Variants in DPP6 observed in about 807,000 individuals in gnomAD.
DPP6 encodes the protein A-type potassium channel modulatory protein DPP6.
Under a neutral mutation model 122.6 loss-of-function variants are expected in DPP6, and 69 were observed. The observed-to-expected ratio is 0.56, with a 90% CI of 0.46 to 0.69. The LOEUF is 0.69. DPP6 is among the 30% of genes least tolerant of loss of function. The pLI is 0.00. For synonymous variants in DPP6, 418 were observed against 433.1 expected (o/e 0.97, Z 0.43); for missense variants, 928 against 1,116.9 (o/e 0.83, Z 2.41).
chr7:153,971,697 T>G (rs1585112246), intron 1 of DPP6, among the ~76,000 whole-genome samples: 1 of 142,854 alleles, frequency 7.0e-6, no homozygotes, highest in South Asian at 2.5e-4. Flanking sequence ...TTAGTGTTTG[T>G]TCATTTCACA....
intron 1 of DPP6, among the ~76,000 whole-genome samples, chr7:153,957,109 A>T (rs1189461963): frequency 1.3e-5 from 2 of 152,234 alleles, no homozygotes; most frequent in East Asian, 3.8e-4. Flanking sequence ...GCCACTGGTG[A>T]TGTTCTATCA....
At chr7:154,067,516 G>C (rs1802816177) in intron 1 of DPP6, among the ~76,000 whole-genome samples, 1 of 152,130 alleles carries the variant, frequency 6.6e-6, no homozygotes, top group Non-Finnish European at 1.5e-5. Flanking sequence ...TGTGGGCCTG[G>C]AGACTCGTGC....
chr7:153,959,928 AT>A (rs11325507), intron 1 of DPP6, among the ~76,000 whole-genome samples: 97,837 of 151,546 alleles, frequency 0.65, 33,260 homozygotes, highest in East Asian at 0.92. Flanking sequence ...ATCATTTCTA[AT>A]TTTTTTTTTT....
intron 6 of DPP6, among the ~76,000 whole-genome samples, chr7:154,658,066 T>G (rs1353291928): frequency 6.6e-6 from 1 of 152,110 alleles, no homozygotes; most frequent in Non-Finnish European, 1.5e-5. Flanking sequence ...ACACAGAGGT[T>G]TGGAGACCCA....
intron 8 of DPP6, among the ~76,000 whole-genome samples, chr7:154,763,764 C>T (rs749401411): frequency 2.0e-5 from 3 of 152,214 alleles, no homozygotes; most frequent in Middle Eastern, 3.2e-3. Context: ...TTCAGCCTCA[C>T]GTCTGTGCTC....
chr7:154,622,961 A>C (rs951361052), intron 5 of DPP6, among the ~76,000 whole-genome samples: 1 of 152,252 alleles, frequency 6.6e-6, no homozygotes, highest in Non-Finnish European at 1.5e-5. Context: ...GCAGAATGCC[A>C]GGTTTCTGAT....
intron 7 of DPP6, among the ~76,000 whole-genome samples, chr7:154,720,261 C>T (rs1841729430): frequency 6.6e-6 from 1 of 152,158 alleles, no homozygotes; most frequent in Non-Finnish European, 1.5e-5. Flanking sequence ...GCAGGCAGAG[C>T]TTCCAGGCAG....
At chr7:154,816,925 G>A (rs1799459054) in intron 16 of DPP6, among the ~76,000 whole-genome samples, 1 of 152,174 alleles carries the variant, frequency 6.6e-6, no homozygotes, top group Non-Finnish European at 1.5e-5. Context: ...CAGAGTGCAT[G>A]TGTCCACCGT....
the DPP6 span, among the ~76,000 whole-genome samples, chr7:153,814,082 C>G: frequency 6.6e-6 from 1 of 152,090 alleles, no homozygotes; most frequent in African/African-American, 2.4e-5. Context: ...GTGTTTTAGA[C>G]ATGAAGTCCT....
intron 1 of DPP6, among the ~76,000 whole-genome samples, chr7:154,443,472 CAT>C (rs1391619640): frequency 1.3e-5 from 2 of 149,192 alleles, no homozygotes; most frequent in African/African-American, 5.1e-5. Flanking sequence ...CCTAGATAAA[CAT>C]GTGTTGGATG....
intron 4 of DPP6, among the ~76,000 whole-genome samples, chr7:154,558,981 G>A (rs142189012): frequency 0.014 from 2,175 of 152,180 alleles, 56 homozygotes; most frequent in African/African-American, 0.05. Context: ...AATATCTGGT[G>A]TTAATTTAAA....
chr7:154,403,224 C>T lies in DPP6; in HGVS notation c.244-42990C>T, dbSNP rs1815790655. On this transcript the variant is annotated intron_variant, in intron 1 of 25. Transcript: ENST00000377770. This position sits in a 1 kb window ranked among gnomAD's most constrained non-coding sequence, Gnocchi z 4.1. Reference sequence around the variant, plus strand: ...ACCGTGAGGCCCCAGCATTTGGGTCCATCACTGGCGATGTGCTGCTGGCCT... The same window carrying T: ...ACCGTGAGGCCCCAGCATTTGGGTCTATCACTGGCGATGTGCTGCTGGCCT... Among the ~76,000 whole-genome samples, 1 of 152,222 alleles carries T rather than the reference C, an allele frequency of 6.6e-6. No individual in the cohort carries two copies. The highest frequency in any genetic ancestry group is 2.4e-5 in the African/African-American group (1 of 41,472).
At chr7:153,762,694 C>T in the DPP6 span, among the ~76,000 whole-genome samples, 3 of 152,012 alleles carry the variant, frequency 2.0e-5, no homozygotes, top group African/African-American at 7.3e-5. Context: ...GCAAGGGAAT[C>T]GCTTGACCCC....
intron 6 of DPP6, among the ~76,000 whole-genome samples, chr7:154,644,277 G>A (rs1836304343): frequency 6.6e-6 from 1 of 152,194 alleles, no homozygotes. Flanking sequence ...TGGGTCGGGA[G>A]CTCAGCCAAT....
At chr7:153,864,009 T>C in the DPP6 span, among the ~76,000 whole-genome samples, 2 of 152,220 alleles carry the variant, frequency 1.3e-5, no homozygotes, top group African/African-American at 4.8e-5. Flanking sequence ...CTTACCCTTT[T>C]TGACTATTGT....
chr7:153,773,705 A>G, the DPP6 span, among the ~76,000 whole-genome samples: 741 of 151,842 alleles, frequency 4.9e-3, 1 homozygote, highest in Non-Finnish European at 8.5e-3. Context: ...GAACAAAGCC[A>G]TGCTTAGAAG....
intron 3 of DPP6, among the ~76,000 whole-genome samples, chr7:154,505,801 T>C (rs1011998901): frequency 2.0e-5 from 3 of 152,146 alleles, no homozygotes; most frequent in African/African-American, 7.2e-5. Flanking sequence ...TACTTGTCAT[T>C]TTCTCTACTG....
intron 1 of DPP6, among the ~76,000 whole-genome samples, chr7:154,297,063 G>GTTTTTTTTTTTTTTTT (rs34506058): frequency 4.0e-5 from 5 of 125,266 alleles, no homozygotes; most frequent in Non-Finnish European, 4.8e-5. Flanking sequence ...AATGTATTCT[G>GTTTTTTTTTTTTTTTT]TTTTTTTTTT....
chr7:154,285,903 A>G (rs1804818594), intron 1 of DPP6, among the ~76,000 whole-genome samples: 1 of 152,204 alleles, frequency 6.6e-6, no homozygotes, highest in Non-Finnish European at 1.5e-5. Context: ...TTTCATTCTG[A>G]CAACTTGACT....
Sources: gnomAD v4.1 joint callset for allele counts (sites outside exome capture counted in the v4.1 genomes callset) on GRCh38, gnomAD v4.1.1 for gene constraint, Gnocchi (gnomAD v3.1) non-coding constraint, MANE v1.5 for transcripts, NCBI Gene and HGNC (gene_info 2026-07-23, HGNC 2026-07-21) for gene names.